Variants in PIK3C2G observed in about 807,000 individuals in gnomAD.
The protein encoded by PIK3C2G is phosphatidylinositol 3-kinase C2 domain-containing subunit gamma.
PIK3C2G carries 168 observed loss-of-function variants against 181.1 expected under a neutral mutation model. The observed-to-expected ratio is 0.93, with a 90% CI of 0.82 to 1.05. The LOEUF is 1.05. Ranked by LOEUF, PIK3C2G falls within the 50% of genes least tolerant of loss-of-function variation. The pLI is 0.00. For missense variants in PIK3C2G, 1,869 were observed against 1,732.8 expected, an observed-to-expected ratio of 1.08 and a Z score of -1.40; for synonymous variants, 573 against 592.2, an observed-to-expected ratio of 0.97 and a Z score of 0.47.
chr12:18,620,599 T>C (rs1286956948), intron 31 of PIK3C2G, among the ~76,000 whole-genome samples: 1 of 151,966 alleles, frequency 6.6e-6, no homozygotes, highest in Non-Finnish European at 1.5e-5. Context: ...CAGCTAGTAA[T>C]CCCTGGCATA....
chr12:18,662,710 A>G, the PIK3C2G span, among the ~76,000 whole-genome samples: 27 of 152,254 alleles, frequency 1.8e-4, no homozygotes, highest in East Asian at 4.8e-3. Flanking sequence ...TCAATAACTG[A>G]AAAATGAGGT....
the PIK3C2G span, among the ~76,000 whole-genome samples, chr12:18,703,069 CAT>C: frequency 6.6e-6 from 1 of 152,064 alleles, no homozygotes; most frequent in Non-Finnish European, 1.5e-5. Context: ...AAAATAGATT[CAT>C]ATATAATAGG....
chr12:18,719,634 TA>T, the PIK3C2G span: 3 of 1,570,480 alleles, frequency 1.9e-6, no homozygotes, highest in East Asian at 2.3e-5. Context: ...CTTTCCTAAC[TA>T]AAAAAATAAA....
At position 18,405,402 on chromosome 12, in the gene PIK3C2G, GT is replaced by G. The variant is rs1592173729; in HGVS notation, c.2315+5557del. On this transcript the variant is annotated intron_variant, in intron 16 of 32. Coordinates refer to ENST00000538779, the MANE Select transcript of PIK3C2G (RefSeq NM_001288772.2). ...TCTGGAGAACAGCAACATTTGTGTT[GT>G]TGTTGTTGTTGTTGTTGTTGTTGTT... 3.2e-4 allele frequency among the ~76,000 whole-genome samples: 48 copies of G among 148,990 alleles called. 1 individual carries two copies. The highest frequency in any genetic ancestry group is 8.6e-4 in the Admixed American group (13 of 15,090).
At chr12:18,667,298 T>A in the PIK3C2G span, among the ~76,000 whole-genome samples, 2 of 152,120 alleles carry the variant, frequency 1.3e-5, no homozygotes, top group Non-Finnish European at 2.9e-5. Flanking sequence ...ATATCTTAAT[T>A]AAACCCTTGG....
At position 18,543,365 on chromosome 12, in the gene PIK3C2G, C is replaced by A. The variant is rs148405727; in HGVS notation, c.3481-2958C>A. 4.2e-3 allele frequency among the ~76,000 whole-genome samples: 640 copies of A among 152,034 alleles called. 6 individuals carry two copies. The highest frequency in any genetic ancestry group is 0.015 in the African/African-American group (606 of 41,506). On this transcript the variant is annotated intron_variant, in intron 25 of 32. Transcript: ENST00000538779. ...TGCCCGTTTACTCCGTTGATAGTTT[C>A]TTTTGCTGTGCAGAAGCTCTTAAGT...
At chr12:18,363,694 A>C (rs1382914211) in intron 12 of PIK3C2G, among the ~76,000 whole-genome samples, 7 of 152,048 alleles carry the variant, frequency 4.6e-5, no homozygotes, top group African/African-American at 1.7e-4. Flanking sequence ...CTTTCTTAGA[A>C]GACAGTTTGA....
intron 1 of PIK3C2G, among the ~76,000 whole-genome samples, chr12:18,267,629 T>C (rs150504159): frequency 6.4e-4 from 98 of 152,304 alleles, no homozygotes; most frequent in Middle Eastern, 3.4e-3. Context: ...TCTCAGATTT[T>C]CAACTAAAGG....
chr12:18,548,755 T>C (rs564244688), intron 26 of PIK3C2G, among the ~76,000 whole-genome samples: 1 of 152,036 alleles, frequency 6.6e-6, no homozygotes, highest in Non-Finnish European at 1.5e-5. Context: ...TGTTCTCCAT[T>C]GAAGCCTTAA....
At chr12:18,394,007 C>T (rs1943707469) in intron 15 of PIK3C2G, among the ~76,000 whole-genome samples, 1 of 152,078 alleles carries the variant, frequency 6.6e-6, no homozygotes, top group Admixed American at 6.5e-5. Context: ...AACTACTCAA[C>T]TTTCCAGGTG....
intron 31 of PIK3C2G, among the ~76,000 whole-genome samples, chr12:18,629,507 G>A (rs1255613929): frequency 6.6e-6 from 1 of 152,158 alleles, no homozygotes; most frequent in East Asian, 1.9e-4. Flanking sequence ...CTAAAAGAAA[G>A]TGAGGAGGAT....
intron 5 of PIK3C2G, among the ~76,000 whole-genome samples, chr12:18,297,414 T>C (rs1319873954): frequency 6.6e-6 from 1 of 152,110 alleles, no homozygotes; most frequent in African/African-American, 2.4e-5. Flanking sequence ...TTCTTATTGA[T>C]ACATTGTAAA....
intron 26 of PIK3C2G, among the ~76,000 whole-genome samples, chr12:18,548,746 G>C (rs1944572937): frequency 6.6e-6 from 1 of 151,956 alleles, no homozygotes; most frequent in African/African-American, 2.4e-5. Context: ...TAAAGAACTT[G>C]TTCTCCATTG....
chr12:18,307,448 T>TAAATAA (rs1950466440), intron 5 of PIK3C2G, among the ~76,000 whole-genome samples: 2 of 151,906 alleles, frequency 1.3e-5, no homozygotes, highest in African/African-American at 4.8e-5. Context: ...AGATGATTAT[T>TAAATAA]AAATAAAACA....
chr12:18,536,207 T>A (rs1455357170), intron 24 of PIK3C2G, among the ~76,000 whole-genome samples: 8 of 152,074 alleles, frequency 5.3e-5, no homozygotes, highest in African/African-American at 1.9e-4. Context: ...GGAATAAGGA[T>A]GAGATTTTTC....
At chr12:18,554,592 C>A (rs2136301830) in intron 26 of PIK3C2G, among the ~76,000 whole-genome samples, 1 of 151,714 alleles carries the variant, frequency 6.6e-6, no homozygotes, top group East Asian at 1.9e-4. Context: ...TATCATGTAC[C>A]CAGAATACAT....
chr12:18,322,123 G>T (rs1030670636), intron 7 of PIK3C2G, among the ~76,000 whole-genome samples: 1 of 152,154 alleles, frequency 6.6e-6, no homozygotes, highest in Non-Finnish European at 1.5e-5. Flanking sequence ...GGTGGCTCAC[G>T]CTTGTAATCC....
At chr12:18,342,629 T>C (rs1405295684) in intron 9 of PIK3C2G, among the ~76,000 whole-genome samples, 1 of 151,970 alleles carries the variant, frequency 6.6e-6, no homozygotes, top group African/African-American at 2.4e-5. Context: ...AATCACCTTA[T>C]ACAGTTTTCA....
At chr12:18,368,280 A>C (rs912362358) in intron 12 of PIK3C2G, among the ~76,000 whole-genome samples, 6 of 152,228 alleles carry the variant, frequency 3.9e-5, no homozygotes, top group African/African-American at 1.4e-4. Flanking sequence ...TGAATAAATG[A>C]ATATAATGCG....
Sources: allele counts gnomAD v4.1 joint callset (sites outside exome capture counted in the v4.1 genomes callset), GRCh38; gene constraint gnomAD v4.1.1; transcripts MANE v1.5; gene names NCBI Gene and HGNC (gene_info 2026-07-23, HGNC 2026-07-21).